KIF12: variants seen among roughly 807,000 people sequenced by gnomAD.
KIF12 encodes the protein kinesin family member 12.
KIF12 carries 80 observed loss-of-function variants against 87.9 expected under a neutral mutation model. The observed-to-expected ratio is 0.91, with a 90% CI of 0.76 to 1.10. KIF12 has a LOEUF of 1.10. KIF12 is among the 50% of genes least tolerant of loss of function. The pLI is 0.00. For missense variants in KIF12, 819 were observed against 865.3 expected, an observed-to-expected ratio of 0.95 and a Z score of 0.67; for synonymous variants, 353 against 348.5, an observed-to-expected ratio of 1.01 and a Z score of -0.14.
Position 114,091,821 on chromosome 9 carries a change from C to T in KIF12, c.*40G>A. 1.3e-6 allele frequency: 2 copies of T among 1,551,578 alleles called. No individual in the cohort carries two copies. The highest frequency in any genetic ancestry group is 1.7e-6 in the Non-Finnish European group (2 of 1,143,524). On this transcript the variant is annotated 3_prime_UTR_variant, in exon 19 of 19. Coordinates refer to ENST00000640217, the MANE Select transcript of KIF12 (RefSeq NM_001388308.1). ...GAAGCCCAAGAGTGTGGAGCCCAGTCTGAGGTCACACAGCAGTCTCCTGGG... is the reference window on the plus strand; with the variant it reads ...GAAGCCCAAGAGTGTGGAGCCCAGTTTGAGGTCACACAGCAGTCTCCTGGG...
chr9:114,094,561 C>T, intron 11 of KIF12, 106 bp from the exon 12 acceptor site: 1 of 667,734 alleles, frequency 1.5e-6, no homozygotes, highest in East Asian at 2.6e-5. Context: ...CCAGCCCATG[C>T]TTCATTCGTC....
At chr9:114,095,848 G>A (rs1303165795) in intron 9 of KIF12, among the ~76,000 whole-genome samples, 7 of 152,208 alleles carry the variant, frequency 4.6e-5, no homozygotes, top group Non-Finnish European at 1.0e-4. Context: ...CACCCTTAGA[G>A]TTTATACATT....
In KIF12 at chr9:114,094,260, T is replaced by C. The variant is rs149645876; in HGVS notation, c.1234A>G (p.Ser412Gly). 14 of 1,613,888 alleles carry C rather than the reference T, an allele frequency of 8.7e-6. No individual in the cohort carries two copies. The South Asian group carries it at 1.1e-4, about 13-fold the overall frequency. Residue 412 changes from serine (S) to glycine (G), a missense_variant, in exon 13 of 19, where the codon AGT becomes GGT. By Grantham distance (56) the Ser-to-Gly change is moderately conservative. Transcript: ENST00000640217. ...TGGGCCCAGGCCACCCGGGCTCCAC[T>C]GAGCCCTGAGGCTGCAGGGAAGCAG... Reference protein sequence around the residue: ...DQMDCKASGLSGARVAWAQRN... With the variant: ...DQMDCKASGLGGARVAWAQRN...
intron 16 of KIF12, 58 bp from the exon 17 acceptor site, chr9:114,092,700 A>T: frequency 6.5e-7 from 1 of 1,534,238 alleles, no homozygotes; most frequent in Non-Finnish European, 8.7e-7. Context: ...TCTGTGTCCC[A>T]CCTACCTGGT....
Position 114,096,044 on chromosome 9 carries a change from G to C in KIF12, c.895+7C>G. On this transcript the variant is annotated splice_region_variant and intron_variant, in intron 9 of 18. Transcript: ENST00000640217. ...AGGAAATCACACCGGTGGCCCCCAG[G>C]TCTCACCCAGGGCCAGCAGGCTTCG... 2 of 1,606,276 alleles carry C rather than the reference G, an allele frequency of 1.2e-6. No individual in the cohort carries two copies. The highest frequency in any genetic ancestry group is 1.7e-6 in the Non-Finnish European group (2 of 1,176,550).
chr9:114,092,602 G>T lies in KIF12; in HGVS notation c.1637C>A (p.Ala546Asp). Reference sequence around the variant, plus strand: ...TGGGGGTGCCCAGGGTGGGGGCCGGGCAGATGGGGGCCTGCCACCTGAGGC... The same window carrying T: ...TGGGGGTGCCCAGGGTGGGGGCCGGTCAGATGGGGGCCTGCCACCTGAGGC... ...PEASGGRPPS[A>D]RPPPWAPPCS... The change falls in exon 17 of 19, where the codon GCC (alanine) becomes GAC (aspartate). Residue 546 changes from alanine to aspartate, a missense_variant. Transcript: ENST00000640217. 1 of 1,601,756 alleles carries T rather than the reference G, an allele frequency of 6.2e-7. No individual in the cohort carries two copies.
intron 18 of KIF12, 113 bp downstream of exon 18, chr9:114,092,220 C>T: frequency 6.7e-7 from 1 of 1,490,114 alleles, no homozygotes; most frequent in Non-Finnish European, 8.9e-7. Context: ...ATCTTAGAAG[C>T]CACCTCTCAA....
rs748631116 is a variant in KIF12, at chr9:114,092,356, G to A, written c.1793C>T (p.Pro598Leu). 42 of 1,601,672 alleles carry A rather than the reference G, an allele frequency of 2.6e-5. No homozygotes were observed. Among genetic ancestry groups the A allele is most frequent in the Non-Finnish European group, 3.4e-5 (40 of 1,174,912 alleles). ...ACCTCTGAGCCCTGGTGATGTCTTCGGGGGCCTCACAGGCAGGGGAGGTGC... is the reference window on the plus strand; with the variant it reads ...ACCTCTGAGCCCTGGTGATGTCTTCAGGGGCCTCACAGGCAGGGGAGGTGC... The part of the protein sequence containing the change: ...PSAPPLPVRP[P>L]KTSPGLRGGA... Residue 598 changes from proline (P) to leucine (L), a missense_variant, in exon 18 of 19, where the codon CCG (proline) becomes CTG (leucine). Transcript: ENST00000640217.
Position 114,093,125 on chromosome 9 carries a change from C to G in KIF12, c.1596+104G>C, listed in dbSNP as rs917707957. 4.9e-6 allele frequency: 6 copies of G among 1,233,848 alleles called. No individual in the cohort carries two copies. The African/African-American group carries it at 9.0e-5, about 18-fold the overall frequency. The allele number at this position is 1,233,848 out of a possible 1,614,324, so 76.4% of individuals were successfully genotyped here. On this transcript the variant is annotated intron_variant, in intron 16 of 18. Transcript: ENST00000640217. ...AGGCCAGCCATTCACTCCCCATGAT[C>G]TAGCCTGCAGCCCTGGAATCCCTGG...
At chr9:114,093,670 G>A (rs1023038156) in intron 14 of KIF12, among the ~76,000 whole-genome samples, 173 bp from the exon 15 acceptor site, 6 of 152,218 alleles carry the variant, frequency 3.9e-5, no homozygotes, top group African/African-American at 1.4e-4. Flanking sequence ...CCTATAAGTA[G>A]GCACGACGAT....
intron 2 of KIF12, 29 bp from the exon 3 acceptor site, chr9:114,099,042 C>G (rs1052674807): frequency 3.2e-6 from 5 of 1,550,330 alleles, no homozygotes; most frequent in Non-Finnish European, 4.4e-6. Context: ...GCAGATGGTA[C>G]ATCCTGATGT....
intron 18 of KIF12, 51 bp downstream of exon 18, chr9:114,092,282 C>T (rs1847027250): frequency 2.0e-6 from 3 of 1,504,258 alleles, no homozygotes; most frequent in Non-Finnish European, 1.8e-6. Context: ...GTGGGTTCTA[C>T]CCCAAGATCA....
intron 11 of KIF12, 150 bp downstream of exon 11, chr9:114,094,873 A>C: frequency 1.4e-6 from 1 of 719,214 alleles, no homozygotes; most frequent in Non-Finnish European, 2.2e-6. Context: ...ACCCCATCCT[A>C]TACAACCATG....
Position 114,095,082 on chromosome 9 carries a change from TGA to T in KIF12, c.1058_1059del (p.Leu353GlnfsTer82), listed in dbSNP as rs755354485. 18 of 1,610,788 alleles carry T rather than the reference TGA, an allele frequency of 1.1e-5. No individual in the cohort carries two copies. Among genetic ancestry groups the T allele is most frequent in the Non-Finnish European group, 1.4e-5 (16 of 1,178,382 alleles). ...GCTCGGCTTGCATATCGCAGGGTGC[TGA>T]GAGTCTCAGGAAGGCACTGGGCTGA... is the stretch of plus-strand genomic sequence containing the variant. ...SPSAQCLPET[L>X]STLRYASRAQ... On this transcript the variant is annotated frameshift_variant, in exon 11 of 19. Transcript: ENST00000640217. LOFTEE classifies it high-confidence loss of function.
chr9:114,095,642 G>A (rs1000414319), intron 9 of KIF12, among the ~76,000 whole-genome samples: 1 of 152,184 alleles, frequency 6.6e-6, no homozygotes, highest in African/African-American at 2.4e-5. Context: ...GCATGCCACA[G>A]AGGAATACTG....
Position 114,096,395 on chromosome 9 carries a change from G to C in KIF12, c.730C>G (p.Arg244Gly). The change falls in exon 8 of 19, where the codon CGT becomes GGT. Residue 244 changes from arginine to glycine, a missense_variant. Transcript: ENST00000640217. ...SHALLTLYIS[R>G]QTAQQMPSVD... ...CAGGCTGGAGCACTCACAGTTTGAC[G>C]GCTGATGTAAAGGGTGAGCAGGGCA... is the stretch of plus-strand genomic sequence containing the variant. 6.2e-7 allele frequency: 1 copy of C among 1,612,862 alleles called. No homozygotes were observed. The highest frequency in any genetic ancestry group is 8.5e-7 in the Non-Finnish European group (1 of 1,179,528).
Position 114,098,156 on chromosome 9 carries a change from C to T in KIF12, c.334G>A (p.Gly112Ser), listed in dbSNP as rs1847315466. 1.9e-6 allele frequency: 3 copies of T among 1,548,570 alleles called. No individual in the cohort carries two copies. The highest frequency in any genetic ancestry group is 2.7e-5 in the African/African-American group (2 of 73,072). ...GTCAGGGTGTAGGTCTTCCCAGAGC[C>T]CGTCTGGCCAAAGGTGAAAACAGTG... ...SCTVFTFGQT[G>S]SGKTYTLTGP... The change falls in exon 5 of 19, where the codon GGC (glycine) becomes AGC (serine). Residue 112 changes from glycine to serine, a missense_variant. Physicochemically the swap from Gly to Ser is moderately conservative, Grantham distance 56. Transcript: ENST00000640217.
At position 114,098,170 on chromosome 9, in the gene KIF12, G is replaced by A. The variant is rs1395360499; in HGVS notation, c.320C>T (p.Thr107Ile). ...ALRGFSCTVFTFGQTGSGKTY... is the reference protein window; with the variant it reads ...ALRGFSCTVFIFGQTGSGKTY... The stretch of plus-strand genomic sequence containing the variant: ...CTTCCCAGAGCCCGTCTGGCCAAAG[G>A]TGAAAACAGTGCAGGAGAAACTGCG... Residue 107 changes from threonine (T) to isoleucine (I), a missense_variant, in exon 5 of 19, where the codon ACC becomes ATC. Physicochemically the swap from Thr to Ile is moderately conservative, Grantham distance 89. Coordinates refer to ENST00000640217, the MANE Select transcript of KIF12 (RefSeq NM_001388308.1). 6.5e-7 allele frequency: 1 copy of A among 1,548,506 alleles called. No homozygotes were observed. Among genetic ancestry groups the A allele is most frequent in the Non-Finnish European group, 8.7e-7 (1 of 1,146,366 alleles).
At chr9:114,097,185 T>C in intron 7 of KIF12, 116 bp downstream of exon 7, 1 of 1,351,720 alleles carries the variant, frequency 7.4e-7, no homozygotes, top group Admixed American at 2.9e-5. Flanking sequence ...CTTCCCCACC[T>C]CCCCCAGGAA....
Sources: allele counts gnomAD v4.1 joint callset (sites outside exome capture counted in the v4.1 genomes callset), GRCh38; gene constraint gnomAD v4.1.1; transcripts MANE v1.5; gene names NCBI Gene and HGNC (gene_info 2026-07-23, HGNC 2026-07-21).